MGLL: variants seen among roughly 807,000 people sequenced by gnomAD.
MGLL encodes the protein monoglyceride lipase.
A neutral mutation model predicts 29.1 loss-of-function variants in MGLL; 7 were observed. The observed-to-expected ratio is 0.24, with a 90% CI of 0.14 to 0.45. MGLL has a LOEUF of 0.45. Ranked by LOEUF, MGLL falls within the 20% of genes least tolerant of loss-of-function variation. The probability of loss-of-function intolerance (pLI) is 0.99; values close to 1 mark genes in which losing one functional copy is unlikely to be tolerated. For synonymous variants in MGLL, 148 were observed against 168.3 expected (o/e 0.88, Z 0.93); for missense variants, 356 against 413.6 (o/e 0.86, Z 1.21).
At chr3:127,766,793 G>A (rs145609496) in intron 3 of MGLL, among the ~76,000 whole-genome samples, 18 of 152,220 alleles carry the variant, frequency 1.2e-4, no homozygotes, top group South Asian at 6.2e-4. Context: ...AGTTACGGCC[G>A]GGGACAGTGG....
chr3:127,752,539 T>C (rs1310089281), intron 3 of MGLL, among the ~76,000 whole-genome samples: 1 of 152,230 alleles, frequency 6.6e-6, no homozygotes, highest in Non-Finnish European at 1.5e-5. Flanking sequence ...AGGATGACAG[T>C]ACTTTAGTTT....
intron 2 of MGLL, among the ~76,000 whole-genome samples, chr3:127,818,023 C>T (rs1235695794): frequency 2.0e-5 from 3 of 152,188 alleles, no homozygotes. Flanking sequence ...TGCAGTGGTG[C>T]GATCTCCGCT....
intron 3 of MGLL, among the ~76,000 whole-genome samples, chr3:127,754,582 A>G (rs2076624081): frequency 6.6e-6 from 1 of 152,176 alleles, no homozygotes; most frequent in South Asian, 2.1e-4. Context: ...GAGAGGAGAG[A>G]GGGCTGGCGG....
At chr3:127,695,781 A>G (rs1158379141) in intron 6 of MGLL, among the ~76,000 whole-genome samples, 2 of 152,194 alleles carry the variant, frequency 1.3e-5, no homozygotes, top group African/African-American at 4.8e-5. Context: ...TCAAGTATTA[A>G]TTTGTATTTT....
chr3:127,763,582 G>T (rs1220538119), intron 3 of MGLL, among the ~76,000 whole-genome samples: 1 of 152,224 alleles, frequency 6.6e-6, no homozygotes, highest in East Asian at 1.9e-4. Flanking sequence ...CAACCTGGGT[G>T]GGGACATCTC....
intron 3 of MGLL, among the ~76,000 whole-genome samples, chr3:127,767,606 A>G (rs1426793106): frequency 2.6e-5 from 4 of 152,224 alleles, no homozygotes; most frequent in African/African-American, 9.6e-5. Flanking sequence ...AAGAAATTAG[A>G]GACTATCAGA....
intron 2 of MGLL, among the ~76,000 whole-genome samples, chr3:127,799,862 G>T (rs952586924): frequency 6.6e-6 from 1 of 152,208 alleles, no homozygotes; most frequent in African/African-American, 2.4e-5. Context: ...AGAGAAGATG[G>T]TCTTTATGGT....
At chr3:127,740,916 G>A (rs1299392722) in intron 3 of MGLL, among the ~76,000 whole-genome samples, 2 of 152,204 alleles carry the variant, frequency 1.3e-5, no homozygotes, top group Non-Finnish European at 2.9e-5. Context: ...CCCCAAAGCA[G>A]TGCAAGCTTT....
At chr3:127,755,936 C>T (rs940044660) in intron 3 of MGLL, among the ~76,000 whole-genome samples, 1 of 152,174 alleles carries the variant, frequency 6.6e-6, no homozygotes, top group Non-Finnish European at 1.5e-5. Flanking sequence ...TGGCAATGTG[C>T]TTGGGCAGAG....
At chr3:127,705,954 G>C (rs1315830254) in intron 6 of MGLL, among the ~76,000 whole-genome samples, 1 of 152,134 alleles carries the variant, frequency 6.6e-6, no homozygotes, top group East Asian at 1.9e-4. Flanking sequence ...AACTAGTGTT[G>C]GCGAGGATGT....
At chr3:127,796,686 A>T (rs1213332060) in intron 2 of MGLL, among the ~76,000 whole-genome samples, 1 of 152,174 alleles carries the variant, frequency 6.6e-6, no homozygotes, top group Non-Finnish European at 1.5e-5. Flanking sequence ...GGTGAGTGTC[A>T]CGCAATGTTT....
chr3:127,710,825 G>T, intron 5 of MGLL, 160 bp from the exon 6 acceptor site: 1 of 694,960 alleles, frequency 1.4e-6, no homozygotes, highest in South Asian at 1.5e-5. Context: ...CATGCCCAAG[G>T]ACTCTCCCTT....
intron 3 of MGLL, among the ~76,000 whole-genome samples, chr3:127,744,593 C>T (rs1228171512): frequency 1.3e-5 from 2 of 152,332 alleles, no homozygotes; most frequent in South Asian, 2.1e-4. Flanking sequence ...TAAGTGACAG[C>T]TGCAGAGTGG....
chr3:127,762,199 G>A (rs1239051930), intron 3 of MGLL, among the ~76,000 whole-genome samples: 3 of 152,170 alleles, frequency 2.0e-5, no homozygotes, highest in Non-Finnish European at 2.9e-5. Flanking sequence ...GCCGGCATGC[G>A]GTTCTCTTTT....
At chr3:127,773,883 C>T (rs2076989672) in intron 3 of MGLL, among the ~76,000 whole-genome samples, 1 of 152,196 alleles carries the variant, frequency 6.6e-6, no homozygotes, top group South Asian at 2.1e-4. Context: ...GTTCAAGGCT[C>T]AGAGAGGTCT....
chr3:127,711,070 G>A (rs2107606883), intron 5 of MGLL: 1 of 329,660 alleles, frequency 3.0e-6, no homozygotes, highest in South Asian at 2.6e-5. Flanking sequence ...GATCAACTGA[G>A]CACGAAGCAG....
intron 2 of MGLL, among the ~76,000 whole-genome samples, chr3:127,810,244 A>C (rs927924881): frequency 2.6e-5 from 4 of 151,816 alleles, no homozygotes; most frequent in Admixed American, 2.6e-4. Context: ...CTAGGCTCCA[A>C]AACTGCAAGA....
intron 3 of MGLL, among the ~76,000 whole-genome samples, chr3:127,748,197 G>C (rs2076484736): frequency 6.6e-6 from 1 of 152,134 alleles, no homozygotes; most frequent in South Asian, 2.1e-4. Context: ...ATAAAAGCAT[G>C]CCTACCCAGA....
intron 6 of MGLL, among the ~76,000 whole-genome samples, chr3:127,706,333 A>C (rs2107599841): frequency 6.6e-6 from 1 of 152,124 alleles, no homozygotes; most frequent in African/African-American, 2.4e-5. Flanking sequence ...TGCTGGACAC[A>C]GAGAACTCCT....
Sources: gnomAD v4.1 joint callset for allele counts (sites outside exome capture counted in the v4.1 genomes callset) on GRCh38, gnomAD v4.1.1 for gene constraint, MANE v1.5 for transcripts, NCBI Gene and HGNC (gene_info 2026-07-23, HGNC 2026-07-21) for gene names.